The following FAT3 variants were observed in gnomAD, a reference collection of about 807,000 sequenced individuals.
FAT3 encodes protocadherin Fat 3.
In FAT3, 95 loss-of-function variants were observed where a neutral mutation model predicts 310.2. That is an observed-to-expected ratio of 0.31 (90% CI 0.26 to 0.36). FAT3 has a LOEUF of 0.36. Among genes scored for constraint, FAT3 ranks in the 10% least tolerant of loss-of-function variants. FAT3 has a pLI of 1.00. For synonymous variants in FAT3, 2,314 were observed against 2,192.9 expected, an observed-to-expected ratio of 1.06 and a Z score of -1.54; for missense variants, 5,408 against 5,715.6, an observed-to-expected ratio of 0.95 and a Z score of 1.74.
chr11:92,777,646 G>A (rs1946631116), intron 7 of FAT3, among the ~76,000 whole-genome samples: 1 of 152,096 alleles, frequency 6.6e-6, no homozygotes, highest in African/African-American at 2.4e-5. Context: ...GGCAACATGG[G>A]CTTTGTAGCA....
intron 1 of FAT3, among the ~76,000 whole-genome samples, chr11:92,323,736 G>T (rs1947689326): frequency 6.6e-6 from 1 of 152,052 alleles, no homozygotes; most frequent in Non-Finnish European, 1.5e-5. Context: ...AAGGGCCCTA[G>T]ATTTTCAGAA....
chr11:92,566,070 C>T (rs961558298), intron 3 of FAT3, among the ~76,000 whole-genome samples: 2 of 152,084 alleles, frequency 1.3e-5, no homozygotes, highest in African/African-American at 4.8e-5. Context: ...AAAGGGTATT[C>T]AATTAGGAAA....
chr11:92,590,171 G>C (rs1203161928), intron 3 of FAT3, among the ~76,000 whole-genome samples: 1 of 152,082 alleles, frequency 6.6e-6, no homozygotes, highest in Non-Finnish European at 1.5e-5. Flanking sequence ...GTCCAGGGAA[G>C]TTACTCATAA....
At chr11:92,418,417 A>ACG (rs1404664762) in intron 2 of FAT3, among the ~76,000 whole-genome samples, 1 of 48,386 alleles carries the variant, frequency 2.1e-5, no homozygotes, top group East Asian at 1.1e-3. Context: ...CAAAAGTTAA[A>ACG]CACCCCCCCC....
intron 1 of FAT3, among the ~76,000 whole-genome samples, chr11:92,320,886 G>GC (rs1947599269): frequency 6.6e-6 from 1 of 151,246 alleles, no homozygotes; most frequent in African/African-American, 2.4e-5. Flanking sequence ...AAAAAGGGGG[G>GC]GGTACTTATT....
intron 25 of FAT3, 45 bp downstream of exon 25, chr11:92,887,158 C>T (rs1313700205): frequency 7.2e-6 from 11 of 1,520,168 alleles, no homozygotes; most frequent in Non-Finnish European, 9.0e-6. Flanking sequence ...GTTCTGCTTC[C>T]TGTTCTGGAA....
intron 2 of FAT3, among the ~76,000 whole-genome samples, chr11:92,444,616 C>T (rs1951165479): frequency 6.7e-6 from 1 of 148,290 alleles, no homozygotes; most frequent in South Asian, 2.1e-4. Context: ...ATCCACCAAG[C>T]TCCCAAGAAG....
At chr11:92,873,222 G>C (rs76944143) in intron 22 of FAT3, among the ~76,000 whole-genome samples, 2 of 152,212 alleles carry the variant, frequency 1.3e-5, no homozygotes, top group Admixed American at 6.5e-5. Context: ...GTTCCTAGAG[G>C]TCAGGCCATG....
At chr11:92,252,314 G>T (rs1865169427) in intron 1 of FAT3, among the ~76,000 whole-genome samples, 1 of 152,112 alleles carries the variant, frequency 6.6e-6, no homozygotes, top group South Asian at 2.1e-4. Context: ...TTGTGTGTCT[G>T]CATGAAGCAA....
intron 2 of FAT3, among the ~76,000 whole-genome samples, chr11:92,421,074 T>C (rs1950524459): frequency 6.6e-6 from 1 of 152,206 alleles, no homozygotes; most frequent in Admixed American, 6.5e-5. Context: ...TCAATAGAAA[T>C]GTGTGTTTCA....
intron 1 of FAT3, among the ~76,000 whole-genome samples, chr11:92,315,797 T>C (rs1947445705): frequency 6.6e-6 from 1 of 151,832 alleles, no homozygotes; most frequent in Non-Finnish European, 1.5e-5. Flanking sequence ...GCCAGGATTA[T>C]AGACGTGAGC....
At chr11:92,861,205 G>T (rs1949112775) in intron 21 of FAT3, among the ~76,000 whole-genome samples, 1 of 152,180 alleles carries the variant, frequency 6.6e-6, no homozygotes, top group Non-Finnish European at 1.5e-5. Flanking sequence ...AGCTCTTAGG[G>T]CTCTACGTGG....
chr11:92,531,743 C>T (rs1954081088), intron 3 of FAT3, among the ~76,000 whole-genome samples: 1 of 151,838 alleles, frequency 6.6e-6, no homozygotes, highest in South Asian at 2.1e-4. Flanking sequence ...TGGACTCGCT[C>T]TGCCTTCATA....
chr11:92,846,386 T>C (rs1948685464), intron 19 of FAT3, among the ~76,000 whole-genome samples: 2 of 152,170 alleles, frequency 1.3e-5, no homozygotes, highest in South Asian at 4.1e-4. Flanking sequence ...AAGCACCTAC[T>C]TGCTGTAACA....
chr11:92,675,995 A>T (rs1183870875), intron 3 of FAT3, among the ~76,000 whole-genome samples: 2 of 152,104 alleles, frequency 1.3e-5, no homozygotes, highest in Admixed American at 6.6e-5. Context: ...GACAGGAGCA[A>T]CCTTCTGTGA....
At chr11:92,777,960 A>G (rs759204714) in intron 7 of FAT3, among the ~76,000 whole-genome samples, 10 of 151,916 alleles carry the variant, frequency 6.6e-5, no homozygotes, top group African/African-American at 1.2e-4. Flanking sequence ...TCTATGTTGG[A>G]TCTTCCACTT....
chr11:92,464,317 C>T (rs560076962), intron 2 of FAT3, among the ~76,000 whole-genome samples: 19 of 152,228 alleles, frequency 1.2e-4, no homozygotes, highest in Non-Finnish European at 1.5e-5. Flanking sequence ...GTAGGTCCCT[C>T]TGGGGGCCCA....
intron 2 of FAT3, among the ~76,000 whole-genome samples, chr11:92,445,299 A>G (rs150313333): frequency 2.9e-3 from 442 of 152,248 alleles, no homozygotes; most frequent in African/African-American, 9.9e-3. Flanking sequence ...AACAATGCTG[A>G]TACAGCTCCA....
chr11:92,387,127 C>T (rs1399143362), intron 2 of FAT3, among the ~76,000 whole-genome samples: 4 of 146,882 alleles, frequency 2.7e-5, no homozygotes, highest in South Asian at 2.2e-4. Flanking sequence ...AGGGAAGGAA[C>T]GTCAGAGCGT....
Sources: allele counts gnomAD v4.1 joint callset (sites outside exome capture counted in the v4.1 genomes callset), GRCh38; gene constraint gnomAD v4.1.1; transcripts MANE v1.5; gene names NCBI Gene and HGNC (gene_info 2026-07-23, HGNC 2026-07-21).